Variants in INTS2 observed in about 807,000 individuals in gnomAD.
The protein encoded by INTS2 is KIAA1287.
Under a neutral mutation model 139.6 loss-of-function variants are expected in INTS2, and 57 were observed. That is an observed-to-expected ratio of 0.41 (90% CI 0.33 to 0.51). The LOEUF is 0.51. INTS2 is among the 20% of genes least tolerant of loss of function. The pLI, the probability that INTS2 is intolerant of heterozygous loss-of-function variation, is 0.28. For missense variants in INTS2, 1,196 were observed against 1,436.7 expected (o/e 0.83, Z 2.71); for synonymous variants, 473 against 493.4 (o/e 0.96, Z 0.55).
At chr17:61,925,120 T>G in intron 2 of INTS2, 21 bp from the exon 3 acceptor site, 1 of 1,605,732 alleles carries the variant, frequency 6.2e-7, no homozygotes, top group Non-Finnish European at 8.5e-7. Context: ...ACAAAACATG[T>G]AACAATTATG....
intron 13 of INTS2, among the ~76,000 whole-genome samples, chr17:61,892,621 A>G (rs2079306564): frequency 6.6e-6 from 1 of 151,990 alleles, no homozygotes; most frequent in African/African-American, 2.4e-5. Context: ...AAATAGCGAG[A>G]CCCTGTCTCT....
chr17:61,900,564 C>A (rs988492000), intron 9 of INTS2, among the ~76,000 whole-genome samples: 4 of 152,156 alleles, frequency 2.6e-5, no homozygotes, highest in Non-Finnish European at 5.9e-5. Context: ...CCTCTCCAGG[C>A]CAGACAATAA....
At chr17:61,890,044 A>C in intron 14 of INTS2, 150 bp from the exon 15 acceptor site, 1 of 585,452 alleles carries the variant, frequency 1.7e-6, no homozygotes, top group Non-Finnish European at 3.0e-6. Flanking sequence ...TGTGTATTAA[A>C]CTCAAAAAAA....
chr17:61,872,199 G>T lies in INTS2; in HGVS notation c.2778+66C>A. On this transcript the variant is annotated intron_variant, in intron 20 of 24. Transcript: ENST00000251334. This position sits in a 1 kb window ranked among gnomAD's most constrained non-coding sequence, Gnocchi z 4.8. ...TGGAGCGCACAATGTGCCATCTATT[G>T]AACTGATTATACTAGTAGAGAAGCC... 3 of 1,046,242 alleles carry T rather than the reference G, an allele frequency of 2.9e-6. No homozygotes were observed. The highest frequency in any genetic ancestry group is 4.2e-6 in the Non-Finnish European group (3 of 708,724). 64.8% of individuals were successfully genotyped at this position (1,046,242 alleles called of 1,614,324 possible). A position where few individuals can be genotyped will look rare whatever the true frequency, so the allele number is the denominator to read the frequency against.
At position 61,871,978 on chromosome 17, in the gene INTS2, G is replaced by C. The variant is rs2079092454; in HGVS notation, c.2778+287C>G. Reference sequence around the variant, plus strand: ...AAAAATGTGCCGAATGAATAAACATGTAACTCTAAACTCAGAATAGGTAAA... The same window carrying C: ...AAAAATGTGCCGAATGAATAAACATCTAACTCTAAACTCAGAATAGGTAAA... On this transcript the variant is annotated intron_variant, in intron 20 of 24. Coordinates refer to ENST00000251334, the MANE Select transcript of INTS2 (RefSeq NM_001351695.2). The surrounding 1 kb of genome is among the most constrained non-coding windows in gnomAD (Gnocchi z 4.9). 2 of 248,500 alleles carry C rather than the reference G, an allele frequency of 8.0e-6. No individual in the cohort carries two copies. The highest frequency in any genetic ancestry group is 4.4e-5 in the African/African-American group (2 of 45,006). 15.4% of individuals were successfully genotyped at this position (248,500 alleles called of 1,614,324 possible). A position where few individuals can be genotyped will look rare whatever the true frequency, so the allele number is the denominator to read the frequency against.
chr17:61,913,348 A>C (rs1567914391), intron 5 of INTS2, among the ~76,000 whole-genome samples: 2 of 151,998 alleles, frequency 1.3e-5, no homozygotes, highest in African/African-American at 2.4e-5. Context: ...CTCCCAAAAA[A>C]AAAACAAAAA....
chr17:61,886,946 T>C (rs959821348), intron 15 of INTS2, among the ~76,000 whole-genome samples: 3 of 152,210 alleles, frequency 2.0e-5, no homozygotes, highest in Non-Finnish European at 4.4e-5. Context: ...CCTTTTAAGT[T>C]AATAAATTAG....
intron 4 of INTS2, among the ~76,000 whole-genome samples, chr17:61,920,763 A>T (rs931725559): frequency 6.6e-6 from 1 of 151,808 alleles, no homozygotes. Flanking sequence ...AGATCACACC[A>T]CTGCACTCCA....
intron 5 of INTS2, among the ~76,000 whole-genome samples, chr17:61,916,980 C>G (rs750853459): frequency 1.8e-4 from 28 of 152,040 alleles, no homozygotes; most frequent in Non-Finnish European, 5.9e-5. Context: ...GAGGAAAGAA[C>G]ACGAACAGAT....
chr17:61,900,378 G>A (rs1394015591), intron 9 of INTS2, among the ~76,000 whole-genome samples: 1 of 152,232 alleles, frequency 6.6e-6, no homozygotes, highest in Non-Finnish European at 1.5e-5. Context: ...GAAGACTGGA[G>A]ATTTATTGTC....
chr17:61,920,752 G>A (rs1231904121), intron 4 of INTS2, among the ~76,000 whole-genome samples: 4 of 151,358 alleles, frequency 2.6e-5, no homozygotes, highest in Non-Finnish European at 5.9e-5. Flanking sequence ...GCAGTGAGCC[G>A]AGATCACACC....
Position 61,869,380 on chromosome 17 carries a change from C to T in INTS2, c.3031G>A (p.Gly1011Ser). 1 of 1,579,750 alleles carries T rather than the reference C, an allele frequency of 6.3e-7. No homozygotes were observed. The highest frequency in any genetic ancestry group is 8.6e-7 in the Non-Finnish European group (1 of 1,157,036). ...PNIAKLVHFQ[G>S]YPCELLPLTV... ...AGAGGCAAAAGTTCACATGGATAAC[C>T]CTATCTCAACAAGAAACGGGAAAAA... The change falls in exon 22 of 25, where the codon GGT becomes AGT. Residue 1011 changes from glycine (G) to serine (S), a missense_variant and splice_region_variant. Coordinates refer to ENST00000251334, the MANE Select transcript of INTS2 (RefSeq NM_001351695.2). The surrounding 1 kb of genome is among the most constrained non-coding windows in gnomAD (Gnocchi z 5.4).
intron 5 of INTS2, among the ~76,000 whole-genome samples, chr17:61,915,842 C>T (rs1457806655): frequency 1.2e-4 from 15 of 121,528 alleles, no homozygotes; most frequent in Non-Finnish European, 2.4e-4. Flanking sequence ...AAAAAAAAAT[C>T]ATATAAGACA....
chr17:61,866,761 T>C lies in INTS2; in HGVS notation c.*796A>G, dbSNP rs2079049432. 1 of 152,182 alleles carries C rather than the reference T, an allele frequency of 6.6e-6. No individual in the cohort carries two copies. The highest frequency in any genetic ancestry group is 1.9e-4 in the East Asian group (1 of 5,198). The allele number at this position is 152,182 out of a possible 1,614,324, so 9.4% of individuals were successfully genotyped here. A position where few individuals can be genotyped will look rare whatever the true frequency, so the allele number is the denominator to read the frequency against. The stretch of plus-strand genomic sequence containing the variant: ...CATTAGGTAAGTTAATAAAGCATTA[T>C]AAAAATAAATTTAAAACATAAAACT... On this transcript the variant is annotated 3_prime_UTR_variant, in exon 25 of 25. Transcript: ENST00000251334.
chr17:61,895,317 G>C lies in INTS2; in HGVS notation c.1561C>G (p.Gln521Glu), dbSNP rs1050273907. ...TACCTAAGAATAAAAAGAAATACCT[G>C]CTCAGTAAAAATTTCCTGTGTGAAG... ...TIFTQEIFTEQVVTAHAVRVP... is the reference protein window; with the variant it reads ...TIFTQEIFTEEVVTAHAVRVP... The change falls in exon 12 of 25, where the codon CAG becomes GAG. Residue 521 changes from glutamine to glutamate, a missense_variant and splice_region_variant. This residue lies in a region of INTS2 where 1,129 missense variants were observed against 1,341.9 expected (regional missense o/e 0.84). Coordinates refer to ENST00000251334, the MANE Select transcript of INTS2 (RefSeq NM_001351695.2). 2 of 1,556,818 alleles carry C rather than the reference G, an allele frequency of 1.3e-6. No individual in the cohort carries two copies. Among genetic ancestry groups the C allele is most frequent in the Non-Finnish European group, 1.7e-6 (2 of 1,149,882 alleles).
chr17:61,914,099 A>G (rs1468827761), intron 5 of INTS2, among the ~76,000 whole-genome samples: 1 of 151,794 alleles, frequency 6.6e-6, no homozygotes, highest in South Asian at 2.1e-4. Flanking sequence ...CTGCCACTAG[A>G]TTAAAAAAAA....
At chr17:61,912,119 T>G (rs1469255658) in intron 5 of INTS2, 49 bp from the exon 6 acceptor site, 3 of 1,586,678 alleles carry the variant, frequency 1.9e-6, no homozygotes, top group Non-Finnish European at 2.6e-6. Flanking sequence ...TAATTGTTCA[T>G]GAAGATTTCA....
chr17:61,867,934 G>A lies in INTS2; in HGVS notation c.3320C>T (p.Pro1107Leu). 6.2e-6 allele frequency: 10 copies of A among 1,612,662 alleles called. No homozygotes were observed. The highest frequency in any genetic ancestry group is 8.5e-6 in the Non-Finnish European group (10 of 1,179,340). The change falls in exon 24 of 25, where the codon CCT becomes CTT. Residue 1107 changes from proline (P) to leucine (L), a missense_variant. Around this residue, in one of 3 missense-constraint regions of INTS2, gnomAD observed 1,129 missense variants for 1,341.9 expected, o/e 0.84. Transcript: ENST00000251334. The surrounding 1 kb of genome is among the most constrained non-coding windows in gnomAD (Gnocchi z 5.6). ...AGACATAATATCCTCATACAATGGA[G>A]GAAATGCTCGACAAAAAGAGACCAA... Reference protein sequence around the residue: ...PSLVSFCRAFPPLYEDIMSLL... With the variant: ...PSLVSFCRAFLPLYEDIMSLL...
intron 15 of INTS2, among the ~76,000 whole-genome samples, chr17:61,889,284 G>A (rs796264654): frequency 1.4e-4 from 21 of 151,934 alleles, no homozygotes; most frequent in African/African-American, 4.1e-4. Context: ...ACGGGGTTTC[G>A]CCATGTTGAC....
Sources: allele counts gnomAD v4.1 joint callset (sites outside exome capture counted in the v4.1 genomes callset), GRCh38; gene constraint gnomAD v4.1.1; regional missense constraint gnomAD v4.1.1; non-coding constraint Gnocchi (gnomAD v3.1); transcripts MANE v1.5; gene names NCBI Gene and HGNC (gene_info 2026-07-23, HGNC 2026-07-21).